Variants in CTTNBP2 observed in about 807,000 individuals in gnomAD.
The protein encoded by CTTNBP2 is cortactin-binding protein 2.
In CTTNBP2, 108 loss-of-function variants were observed where a neutral mutation model predicts 156.9. That is an observed-to-expected ratio of 0.69 (90% confidence interval 0.59 to 0.81). The LOEUF is 0.81. CTTNBP2 is among the 30% of genes least tolerant of loss of function. CTTNBP2 has a pLI of 0.00. For synonymous variants in CTTNBP2, 767 were observed against 751.8 expected, an observed-to-expected ratio of 1.02 and a Z score of -0.33; for missense variants, 1,924 against 2,035.4, an observed-to-expected ratio of 0.95 and a Z score of 1.05.
intron 11 of CTTNBP2, among the ~76,000 whole-genome samples, chr7:117,756,903 C>T (rs1796915693): frequency 6.6e-6 from 1 of 152,204 alleles, no homozygotes; most frequent in South Asian, 2.1e-4. Context: ...TACCTCCCAG[C>T]AACCATAGAC....
At chr7:117,845,544 T>C (rs1802533006) in intron 2 of CTTNBP2, among the ~76,000 whole-genome samples, 1 of 152,252 alleles carries the variant, frequency 6.6e-6, no homozygotes, top group African/African-American at 2.4e-5. Context: ...GCACAACTAT[T>C]AAAATATCTT....
intron 8 of CTTNBP2, among the ~76,000 whole-genome samples, chr7:117,775,140 A>T (rs1192770422): frequency 6.6e-6 from 1 of 152,224 alleles, no homozygotes; most frequent in Non-Finnish European, 1.5e-5. Flanking sequence ...TGTCTTAATC[A>T]TAAAATGGAG....
intron 2 of CTTNBP2, among the ~76,000 whole-genome samples, chr7:117,816,132 A>C (rs1017303292): frequency 6.6e-6 from 1 of 152,074 alleles, no homozygotes; most frequent in Non-Finnish European, 1.5e-5. Context: ...CCAATGTCAG[A>C]CTCCTCTATG....
chr7:117,822,433 C>T (rs978847321), intron 2 of CTTNBP2, among the ~76,000 whole-genome samples: 1 of 151,932 alleles, frequency 6.6e-6, no homozygotes, highest in Non-Finnish European at 1.5e-5. Context: ...ACTTTCCTGC[C>T]TTTTTTGTCA....
chr7:117,714,562 T>C (rs1191891033), intron 22 of CTTNBP2, among the ~76,000 whole-genome samples: 7 of 152,158 alleles, frequency 4.6e-5, no homozygotes, highest in Admixed American at 4.6e-4. Flanking sequence ...ACATACACTG[T>C]TCTAGTCTGT....
intron 1 of CTTNBP2, among the ~76,000 whole-genome samples, chr7:117,863,999 T>C (rs1439297739): frequency 6.6e-6 from 1 of 152,198 alleles, no homozygotes; most frequent in African/African-American, 2.4e-5. Context: ...ATTGTATATT[T>C]TATTGTCTTG....
intron 3 of CTTNBP2, among the ~76,000 whole-genome samples, chr7:117,806,072 C>T (rs952890296): frequency 6.6e-6 from 1 of 152,136 alleles, no homozygotes; most frequent in Non-Finnish European, 1.5e-5. Context: ...ATATCTCCTT[C>T]GAACCACTTT....
At chr7:117,815,168 T>C (rs540809667) in intron 2 of CTTNBP2, among the ~76,000 whole-genome samples, 2 of 152,324 alleles carry the variant, frequency 1.3e-5, no homozygotes, top group East Asian at 1.9e-4. Flanking sequence ...CAAGGGTTTC[T>C]AGAAATACGT....
At chr7:117,819,650 G>A (rs1800837509) in intron 2 of CTTNBP2, among the ~76,000 whole-genome samples, 1 of 152,142 alleles carries the variant, frequency 6.6e-6, no homozygotes, top group African/African-American at 2.4e-5. Context: ...TTGAGCCACA[G>A]AAGTGAAGGA....
chr7:117,713,490 GAAA>G (rs1413707644), intron 22 of CTTNBP2, among the ~76,000 whole-genome samples: 2 of 152,162 alleles, frequency 1.3e-5, no homozygotes, highest in African/African-American at 2.4e-5. Context: ...AATTTAGCAG[GAAA>G]TCCTCAGTTA....
Position 117,792,500 on chromosome 7 carries a change from A to G in CTTNBP2, c.696T>C (p.Ser232=). The part of the protein sequence containing the change: ...EMEAQMEKQL[S]EFDTEREQLR... ...GCTGTTCCCGCTCAGTGTCAAACTC[A>G]GAGAGTTGTTTTTCCATCTGAGCTT... is the stretch of plus-strand genomic sequence containing the variant. The change falls in exon 4 of 23, where the codon TCT becomes TCC. Residue 232 remains serine (S), a synonymous_variant. Coordinates refer to ENST00000160373, the MANE Select transcript of CTTNBP2 (RefSeq NM_033427.3). The surrounding 1 kb of genome is among the most constrained non-coding windows in gnomAD (Gnocchi z 4.2). The G allele has an allele frequency of 6.2e-7, 1 of 1,614,144 alleles. No individual in the cohort carries two copies.
chr7:117,717,553 TCTGTTCTGCC>T (rs1315613462), intron 22 of CTTNBP2, among the ~76,000 whole-genome samples: 1 of 151,980 alleles, frequency 6.6e-6, no homozygotes, highest in East Asian at 1.9e-4. Context: ...ACCATCCTAC[TCTGTTCTGCC>T]CTGGATGTGA....
At position 117,819,365 on chromosome 7, in the gene CTTNBP2, T is replaced by TCACACACACACA. The variant is rs1308101221; in HGVS notation, c.190-8377_190-8376insTGTGTGTGTGTG. On this transcript the variant is annotated intron_variant, in intron 2 of 22. Coordinates refer to ENST00000160373, the MANE Select transcript of CTTNBP2 (RefSeq NM_033427.3). The stretch of plus-strand genomic sequence containing the variant: ...TCTTTCTCTTTTCTCCTTCTCTCTC[T>TCACACACACACA]CTCACACACACACACACACACACAC... Among the ~76,000 whole-genome samples, 4 of 136,918 alleles carry TCACACACACACA rather than the reference T, an allele frequency of 2.9e-5. No individual in the cohort carries two copies. The East Asian group carries it at 8.1e-4, about 28-fold the overall frequency. The allele number at this position is 136,918 out of a possible 152,430, so 89.8% of individuals were successfully genotyped here. A position where few individuals can be genotyped will look rare whatever the true frequency, so the allele number is the denominator to read the frequency against.
At chr7:117,753,287 C>G (rs947332072) in intron 12 of CTTNBP2, among the ~76,000 whole-genome samples, 1 of 152,166 alleles carries the variant, frequency 6.6e-6, no homozygotes, top group Non-Finnish European at 1.5e-5. Context: ...AAAAGGAACA[C>G]TTTTACACTG....
At chr7:117,766,901 T>C (rs949339031) in intron 9 of CTTNBP2, among the ~76,000 whole-genome samples, 158 bp downstream of exon 9, 2 of 152,126 alleles carry the variant, frequency 1.3e-5, no homozygotes, top group African/African-American at 2.4e-5. Context: ...CACGGAAAAA[T>C]AGTTAATTAT....
chr7:117,741,102 C>CA (rs1562965308), intron 14 of CTTNBP2, among the ~76,000 whole-genome samples: 2 of 152,170 alleles, frequency 1.3e-5, no homozygotes, highest in Non-Finnish European at 2.9e-5. Flanking sequence ...AGTGAGCCCC[C>CA]AGATGCCTTG....
Position 117,792,772 on chromosome 7 carries a change from C to T in CTTNBP2, c.424G>A (p.Glu142Lys), listed in dbSNP as rs1799105241. 3.9e-6 allele frequency: 6 copies of T among 1,536,950 alleles called. No homozygotes were observed. The highest frequency in any genetic ancestry group is 5.2e-6 in the Non-Finnish European group (6 of 1,145,034). ...AESRQKKLEM[E>K]KLQLQALEQE... is the part of the protein sequence containing the mutation. ...TCAAGGGCTTGTAGCTGAAGCTTCT[C>T]CATTTCCAGCTGAAAGAAATTCACA... Residue 142 changes from glutamate to lysine, a missense_variant, in exon 4 of 23, where the codon GAG becomes AAG. Glu to Lys is a moderately conservative substitution (Grantham distance 56, BLOSUM62 1). Transcript: ENST00000160373. The surrounding 1 kb of genome is among the most constrained non-coding windows in gnomAD (Gnocchi z 4.2).
In CTTNBP2 at chr7:117,777,376, T is replaced by C. The variant is rs963249989; in HGVS notation, c.2778+135A>G. Reference sequence around the variant, plus strand: ...ACTACATAGGAATAATGTCAATTTGTATTGGTAAATAACATCTGCAATTGT... The same window carrying C: ...ACTACATAGGAATAATGTCAATTTGCATTGGTAAATAACATCTGCAATTGT... On this transcript the variant is annotated intron_variant, in intron 8 of 22. Coordinates refer to ENST00000160373, the MANE Select transcript of CTTNBP2 (RefSeq NM_033427.3). The C allele has an allele frequency of 3.5e-6, 3 of 866,742 alleles. No individual in the cohort carries two copies. The South Asian group carries it at 5.5e-5, about 16-fold the overall frequency. The allele number at this position is 866,742 out of a possible 1,614,324, so 53.7% of individuals were successfully genotyped here. A position where few individuals can be genotyped will look rare whatever the true frequency, so the allele number is the denominator to read the frequency against.
At chr7:117,714,496 A>G (rs533146013) in intron 22 of CTTNBP2, among the ~76,000 whole-genome samples, 28 of 152,226 alleles carry the variant, frequency 1.8e-4, no homozygotes, top group African/African-American at 6.3e-4. Context: ...TAATTTTGCC[A>G]TTATTGTCAA....
Sources: allele counts gnomAD v4.1 joint callset (sites outside exome capture counted in the v4.1 genomes callset), GRCh38; gene constraint gnomAD v4.1.1; non-coding constraint Gnocchi (gnomAD v3.1); transcripts MANE v1.5; gene names NCBI Gene and HGNC (gene_info 2026-07-23, HGNC 2026-07-21).